Variants in TANC1 observed in about 807,000 individuals in gnomAD.
TANC1 encodes the protein protein TANC1.
Under a neutral mutation model 149.7 loss-of-function variants are expected in TANC1, and 77 were observed. The observed-to-expected ratio is 0.51, with a 90% CI of 0.43 to 0.62. TANC1 has a LOEUF of 0.62. Among genes scored for constraint, TANC1 ranks in the 20% least tolerant of loss-of-function variants. The pLI, the probability that TANC1 is intolerant of heterozygous loss-of-function variation, is 0.00. For synonymous variants in TANC1, 854 were observed against 925.0 expected (o/e 0.92, Z 1.39); for missense variants, 1,985 against 2,321.8 (o/e 0.85, Z 2.98).
At chr2:159,028,802 C>T (rs900912576) in intron 2 of TANC1, among the ~76,000 whole-genome samples, 1 of 152,210 alleles carries the variant, frequency 6.6e-6, no homozygotes, top group African/African-American at 2.4e-5. Flanking sequence ...GTCTCTCACT[C>T]TGTTGCCCAG....
chr2:159,030,179 G>A (rs1182746370), intron 2 of TANC1, among the ~76,000 whole-genome samples: 1 of 152,090 alleles, frequency 6.6e-6, no homozygotes, highest in Non-Finnish European at 1.5e-5. Flanking sequence ...AAATTGCAAG[G>A]TTGGAATTTT....
intron 3 of TANC1, among the ~76,000 whole-genome samples, chr2:159,090,401 C>T (rs56234202): frequency 6.6e-6 from 1 of 152,112 alleles, no homozygotes; most frequent in Non-Finnish European, 1.5e-5. Flanking sequence ...CTTCTTGCTT[C>T]TGTGGCTCTC....
intron 2 of TANC1, chr2:159,056,809 G>C (rs899000030): frequency 2.9e-6 from 1 of 341,564 alleles, no homozygotes; most frequent in African/African-American, 2.1e-5. Context: ...GGCAGATTAG[G>C]AAAGTCCAGG....
intron 1 of TANC1, among the ~76,000 whole-genome samples, chr2:158,988,437 A>G (rs1456443296): frequency 6.6e-6 from 1 of 151,932 alleles, no homozygotes; most frequent in Non-Finnish European, 1.5e-5. Flanking sequence ...TCCCGGGAGC[A>G]AGATTTGGGT....
chr2:159,109,770 C>G (rs2047541757), intron 4 of TANC1, among the ~76,000 whole-genome samples: 1 of 152,170 alleles, frequency 6.6e-6, no homozygotes, highest in African/African-American at 2.4e-5. Context: ...TCTCAGTTGT[C>G]AGGCTGACTG....
intron 4 of TANC1, among the ~76,000 whole-genome samples, chr2:159,099,005 T>C (rs1559256978): frequency 6.6e-6 from 1 of 152,168 alleles, no homozygotes; most frequent in East Asian, 1.9e-4. Flanking sequence ...CTGGTAATAT[T>C]TGTATTACTT....
chr2:159,025,294 T>G (rs924658088), intron 2 of TANC1, among the ~76,000 whole-genome samples: 1 of 151,446 alleles, frequency 6.6e-6, no homozygotes, highest in Non-Finnish European at 1.5e-5. Flanking sequence ...TTCTTTCTTT[T>G]CTTGTGGTAA....
chr2:159,037,045 C>T (rs369107397), intron 2 of TANC1, among the ~76,000 whole-genome samples: 13 of 152,098 alleles, frequency 8.5e-5, no homozygotes, highest in Admixed American at 3.3e-4. Context: ...TTTTAATGAT[C>T]GCCGTTCTAA....
chr2:159,225,696 G>A lies in TANC1; in HGVS notation c.3820G>A (p.Ala1274Thr). 1 of 1,613,906 alleles carries A rather than the reference G, an allele frequency of 6.2e-7. No individual in the cohort carries two copies. The highest frequency in any genetic ancestry group is 8.5e-7 in the Non-Finnish European group (1 of 1,179,746). ...GCGTGTTTGTTTTGCAGGAAATGCT[G>A]CTTGGGCGATGGCCACTTCCAAACC... ...LRKGAKLGNAAWAMATSKPDI... is the reference protein window; with the variant it reads ...LRKGAKLGNATWAMATSKPDI... The change falls in exon 24 of 27, where the codon GCT becomes ACT. Residue 1274 changes from alanine to threonine, a missense_variant. This residue lies in a region of TANC1 where 920 missense variants were observed against 994.7 expected (regional missense o/e 0.92). Transcript: ENST00000263635.
chr2:159,051,658 TGTGTG>T (rs1196868450), intron 2 of TANC1, among the ~76,000 whole-genome samples: 5 of 127,240 alleles, frequency 3.9e-5, no homozygotes, highest in African/African-American at 1.8e-4. Context: ...TGTTTGTGTG[TGTGTG>T]TGTGTGTGTG....
Position 159,114,933 on chromosome 2 carries a change from C to T in TANC1, c.259+17099C>T, listed in dbSNP as rs550188847. 3.0e-3 allele frequency among the ~76,000 whole-genome samples: 464 copies of T among 152,260 alleles called. 2 individuals carry two copies. Among genetic ancestry groups the T allele is most frequent in the African/African-American group, 9.6e-3 (397 of 41,538 alleles). The stretch of plus-strand genomic sequence containing the variant: ...GCACTCTGAGTTATTCAGTCTTTCA[C>T]GCAGTGATTTCATGAGCTTCCATAA... On this transcript the variant is annotated intron_variant, in intron 4 of 26. Transcript: ENST00000263635.
rs376337344 is a variant in TANC1, at chr2:159,229,855, T to C, written c.4429T>C (p.Ser1477Pro). The C allele has an allele frequency of 2.5e-6, 4 of 1,613,936 alleles. No homozygotes were observed. In the African/African-American group the frequency reaches 5.3e-5, roughly 22 times the overall value. The change falls in exon 27 of 27, where the codon TCC (serine) becomes CCC (proline). Residue 1477 changes from serine to proline, a missense_variant. Around this residue, in one of 3 missense-constraint regions of TANC1, gnomAD observed 920 missense variants for 994.7 expected, o/e 0.92. Coordinates refer to ENST00000263635, the MANE Select transcript of TANC1 (RefSeq NM_033394.3). ...QEESVSPTPR[S>P]QPSSSVPSSY... The stretch of plus-strand genomic sequence containing the variant: ...AGAATCTGTTTCCCCAACTCCCAGG[T>C]CCCAGCCATCCTCATCTGTCCCTTC...
At chr2:159,092,211 T>G (rs1390676578) in intron 3 of TANC1, among the ~76,000 whole-genome samples, 2 of 152,256 alleles carry the variant, frequency 1.3e-5, no homozygotes, top group Non-Finnish European at 2.9e-5. Context: ...AAATCTTATT[T>G]CCTGCCTCTG....
intron 2 of TANC1, among the ~76,000 whole-genome samples, chr2:159,052,183 T>C (rs2041526584): frequency 6.6e-6 from 1 of 152,182 alleles, no homozygotes. Flanking sequence ...CAACAGCGTG[T>C]ATTAAAAACA....
At chr2:159,057,195 G>A (rs1432409461) in intron 2 of TANC1, among the ~76,000 whole-genome samples, 5 of 152,196 alleles carry the variant, frequency 3.3e-5, no homozygotes, top group Non-Finnish European at 4.4e-5. Context: ...GATTACAGGC[G>A]TGAGCCACCA....
At chr2:159,121,873 A>G (rs183024912) in intron 4 of TANC1, among the ~76,000 whole-genome samples, 408 of 152,334 alleles carry the variant, frequency 2.7e-3, no homozygotes, top group Non-Finnish European at 4.1e-3. Flanking sequence ...TTACATAAGC[A>G]ACATCCAGGC....
intron 2 of TANC1, among the ~76,000 whole-genome samples, chr2:159,061,451 C>A (rs575438490): frequency 1.3e-5 from 2 of 152,324 alleles, no homozygotes; most frequent in African/African-American, 4.8e-5. Flanking sequence ...TGCCCTGTAC[C>A]CAGAGGACAA....
chr2:159,117,563 T>C (rs2048393486), intron 4 of TANC1, among the ~76,000 whole-genome samples: 1 of 151,916 alleles, frequency 6.6e-6, no homozygotes, highest in African/African-American at 2.4e-5. Context: ...GCCCGGCTAA[T>C]TTTTTGTATT....
chr2:158,998,867 C>T (rs2036379147), intron 1 of TANC1, among the ~76,000 whole-genome samples: 1 of 152,098 alleles, frequency 6.6e-6, no homozygotes, highest in Non-Finnish European at 1.5e-5. Flanking sequence ...CCTCTGATCT[C>T]TTGGGAAAAT....
Sources: gnomAD v4.1 joint callset for allele counts (sites outside exome capture counted in the v4.1 genomes callset) on GRCh38, gnomAD v4.1.1 for gene constraint, gnomAD v4.1.1 regional missense constraint, MANE v1.5 for transcripts, NCBI Gene and HGNC (gene_info 2026-07-23, HGNC 2026-07-21) for gene names.